DPEP1: variants seen among roughly 807,000 people sequenced by gnomAD.
The protein encoded by DPEP1 is dipeptidase 1, also known as beta-lactamase.
Under a neutral mutation model 42.3 loss-of-function variants are expected in DPEP1, and 50 were observed. That is an observed-to-expected ratio of 1.18 (90% CI 0.94 to 1.50). The LOEUF (loss-of-function observed/expected upper bound fraction) is 1.50. DPEP1 is among the 40% of genes most tolerant of loss of function. DPEP1 has a pLI of 0.00. For synonymous variants in DPEP1, 297 were observed against 234.0 expected (o/e 1.27, Z -2.46); for missense variants, 663 against 553.0 (o/e 1.20, Z -1.99).
At chr16:89,614,967 G>C (rs996009984) in intron 1 of DPEP1, among the ~76,000 whole-genome samples, 3 of 152,158 alleles carry the variant, frequency 2.0e-5, no homozygotes, top group African/African-American at 7.2e-5. Context: ...ACACAGCCAA[G>C]CTATTTTCAT....
At chr16:89,628,257 T>C (rs1349452399) in intron 1 of DPEP1, among the ~76,000 whole-genome samples, 3 of 78,472 alleles carry the variant, frequency 3.8e-5, no homozygotes, top group Admixed American at 1.4e-4. Flanking sequence ...CTTTTCTTTC[T>C]TTTTTTTTTT....
At chr16:89,631,258 G>T (rs1285288546) in intron 2 of DPEP1, among the ~76,000 whole-genome samples, 1 of 152,106 alleles carries the variant, frequency 6.6e-6, no homozygotes, top group Non-Finnish European at 1.5e-5. Context: ...CCTCGCTGGG[G>T]CACCTGGGTC....
chr16:89,635,553 C>G (rs999402338), intron 2 of DPEP1, among the ~76,000 whole-genome samples: 1 of 152,194 alleles, frequency 6.6e-6, no homozygotes, highest in Non-Finnish European at 1.5e-5. Context: ...CCTTGCCCCT[C>G]ACGTCTCCAA....
chr16:89,636,747 G>T (rs566888042), intron 5 of DPEP1, 64 bp downstream of exon 5: 1 of 1,603,320 alleles, frequency 6.2e-7, no homozygotes, highest in African/African-American at 1.3e-5. Flanking sequence ...GACACTCCCT[G>T]CCACCCTCCA....
At chr16:89,628,802 T>TG (rs1017062221) in intron 1 of DPEP1, among the ~76,000 whole-genome samples, 1 of 151,558 alleles carries the variant, frequency 6.6e-6, no homozygotes, top group African/African-American at 2.4e-5. Flanking sequence ...TAAAGGTTTG[T>TG]GGGGGAGGGG....
intron 1 of DPEP1, among the ~76,000 whole-genome samples, chr16:89,629,369 G>A (rs1418982308): frequency 6.6e-6 from 1 of 152,104 alleles, no homozygotes; most frequent in Non-Finnish European, 1.5e-5. Context: ...AGACGTGGTG[G>A]TGCACGCCTG....
Position 89,637,555 on chromosome 16 carries a change from A to T in DPEP1, c.853+3A>T, listed in dbSNP as rs2059699114. ...GGCCAACCTGTCCCAAGTGGCCGGT[A>T]GGTGGGGTGTGAGCGGCCAAGGGGG... On this transcript the variant is annotated splice_donor_region_variant and intron_variant, in intron 8 of 10. Coordinates refer to ENST00000690203, the MANE Select transcript of DPEP1 (RefSeq NM_001389466.1). The T allele has an allele frequency of 6.2e-7, 1 of 1,612,558 alleles. No individual in the cohort carries two copies. Among genetic ancestry groups the T allele is most frequent in the African/African-American group, 1.3e-5 (1 of 74,892 alleles).
At chr16:89,635,136 TCCCTTCCTTCTCCTTTC>T (rs2059656470) in intron 2 of DPEP1, among the ~76,000 whole-genome samples, 1 of 74,042 alleles carries the variant, frequency 1.4e-5, no homozygotes, top group African/African-American at 7.5e-5. Context: ...CCTTCTCCTT[TCCCTTCCTTCTCCTTTC>T]CCCTTCCTTC....
At position 89,638,086 on chromosome 16, in the gene DPEP1, C is replaced by T; in HGVS notation, c.1100C>T (p.Pro367Leu). 6.2e-7 allele frequency: 1 copy of T among 1,612,276 alleles called. No homozygotes were observed. Among genetic ancestry groups the T allele is most frequent in the East Asian group, 2.2e-5 (1 of 44,866 alleles). Reference protein sequence around the residue: ...SNLTQAPEEEPIPLDQLGGSC... With the variant: ...SNLTQAPEEELIPLDQLGGSC... ...CTCACACAGGCTCCCGAGGAGGAGC[C>T]CATCCCGCTGGACCAGCTGGGTGGC... is the stretch of plus-strand genomic sequence containing the variant. Residue 367 changes from proline (P) to leucine (L), a missense_variant, in exon 11 of 11, where the codon CCC becomes CTC. By Grantham distance (98) the Pro-to-Leu change is moderately conservative (BLOSUM62 -3). Coordinates refer to ENST00000690203, the MANE Select transcript of DPEP1 (RefSeq NM_001389466.1).
In DPEP1 at chr16:89,617,743, G is replaced by T. The variant is rs560418515; in HGVS notation, c.-107+4024G>T. On this transcript the variant is annotated intron_variant, in intron 1 of 10. Coordinates refer to ENST00000690203, the MANE Select transcript of DPEP1 (RefSeq NM_001389466.1). ...ACCTGTAATCCCAGCACTTTGGGAG[G>T]CCGGGCGCAGTGGCTCACACCTGTA... Among the ~76,000 whole-genome samples the T allele has an allele frequency of 6.2e-4, 94 of 151,540 alleles. 1 individual carries two copies. Among genetic ancestry groups the T allele is most frequent in the African/African-American group, 2.1e-3 (87 of 40,856 alleles).
chr16:89,628,810 G>C (rs765340438), intron 1 of DPEP1, among the ~76,000 whole-genome samples: 5 of 151,844 alleles, frequency 3.3e-5, no homozygotes, highest in Non-Finnish European at 5.9e-5. Flanking sequence ...TGTGGGGGAG[G>C]GGGGGCGGTT....
At chr16:89,618,891 C>A (rs1426829749) in intron 1 of DPEP1, among the ~76,000 whole-genome samples, 1 of 151,828 alleles carries the variant, frequency 6.6e-6, no homozygotes, top group Non-Finnish European at 1.5e-5. Context: ...CACCCTCTAC[C>A]TTTGGCTTCC....
Position 89,637,631 on chromosome 16 carries a change from G to C in DPEP1, c.854-1G>C. On this transcript the variant is annotated splice_acceptor_variant, in intron 8 of 10. Transcript: ENST00000690203. LOFTEE classifies it high-confidence loss of function. ...ACCCATACCTGCTGCTCCCTGGACA[G>C]ACCATCTGGATCACATCAAGGAGGT... The C allele has an allele frequency of 6.2e-7, 1 of 1,612,946 alleles. No homozygotes were observed. Among genetic ancestry groups the C allele is most frequent in the Non-Finnish European group, 8.5e-7 (1 of 1,180,000 alleles).
chr16:89,614,139 A>AG (rs1171409004), intron 1 of DPEP1, among the ~76,000 whole-genome samples: 1 of 151,906 alleles, frequency 6.6e-6, no homozygotes, highest in African/African-American at 2.4e-5. Context: ...CTGGGACTCA[A>AG]GGAGGTGGGA....
At chr16:89,636,999 G>A (rs56183752) in intron 6 of DPEP1, 64 bp downstream of exon 6, 2 of 1,594,666 alleles carry the variant, frequency 1.3e-6, no homozygotes, top group Middle Eastern at 1.7e-4. Context: ...AGGGTGACCA[G>A]AACAATGCAT....
chr16:89,633,374 G>A (rs2059614339), intron 2 of DPEP1, among the ~76,000 whole-genome samples: 1 of 152,268 alleles, frequency 6.6e-6, no homozygotes, highest in South Asian at 2.1e-4. Flanking sequence ...CTGCCCAGGG[G>A]TGGGGCCGGA....
At chr16:89,624,785 G>A (rs956183886) in intron 1 of DPEP1, among the ~76,000 whole-genome samples, 10 of 152,006 alleles carry the variant, frequency 6.6e-5, no homozygotes, top group African/African-American at 1.7e-4. Context: ...TACACCCGCC[G>A]CACTCTCCCA....
intron 2 of DPEP1, among the ~76,000 whole-genome samples, chr16:89,631,556 TAAG>T (rs1030524537): frequency 1.3e-5 from 2 of 152,162 alleles, no homozygotes; most frequent in African/African-American, 4.8e-5. Context: ...TCTTGTCGCA[TAAG>T]AACTTCAGGG....
At chr16:89,633,348 G>C (rs2059613949) in intron 2 of DPEP1, among the ~76,000 whole-genome samples, 1 of 152,234 alleles carries the variant, frequency 6.6e-6, no homozygotes, top group Admixed American at 6.5e-5. Flanking sequence ...CCAGCATCAG[G>C]CGTGCGCCCG....
Sources: gnomAD v4.1 joint callset for allele counts (sites outside exome capture counted in the v4.1 genomes callset) on GRCh38, gnomAD v4.1.1 for gene constraint, MANE v1.5 for transcripts, NCBI Gene and HGNC (gene_info 2026-07-23, HGNC 2026-07-21) for gene names.